CPNE4: variants seen among roughly 807,000 people sequenced by gnomAD.
The protein encoded by CPNE4 is copine 4, also known as copine-4.
In CPNE4, 25 loss-of-function variants were observed where a neutral mutation model predicts 67.9. The ratio of observed to expected loss-of-function variants is 0.37; its 90% CI spans 0.27 to 0.51. CPNE4 has a LOEUF of 0.51. Among genes scored for constraint, CPNE4 ranks in the 20% least tolerant of loss-of-function variants. The pLI is 0.93. For synonymous variants in CPNE4, 242 were observed against 244.9 expected (o/e 0.99, Z 0.11); for missense variants, 464 against 690.8 (o/e 0.67, Z 3.68).
intron 1 of CPNE4, among the ~76,000 whole-genome samples, chr3:132,026,402 T>C (rs894496705): frequency 3.3e-5 from 5 of 152,138 alleles, no homozygotes; most frequent in Admixed American, 3.3e-4. Flanking sequence ...GGAGAGGGTA[T>C]GGTAAAGAGA....
At chr3:131,799,364 G>C (rs1359738999) in intron 2 of CPNE4, among the ~76,000 whole-genome samples, 1 of 152,036 alleles carries the variant, frequency 6.6e-6, no homozygotes, top group Non-Finnish European at 1.5e-5. Flanking sequence ...ATTGGGTTAG[G>C]CTCAGAATCC....
intron 7 of CPNE4, among the ~76,000 whole-genome samples, chr3:131,615,951 A>AC: frequency 6.9e-6 from 1 of 144,530 alleles, no homozygotes; most frequent in Non-Finnish European, 1.5e-5. Flanking sequence ...ACACACACAC[A>AC]AAAGAACATT....
At chr3:132,009,869 G>A (rs182736823) in intron 1 of CPNE4, among the ~76,000 whole-genome samples, 1 of 152,304 alleles carries the variant, frequency 6.6e-6, no homozygotes, top group African/African-American at 2.4e-5. Flanking sequence ...GACCAAGTAA[G>A]TAAAGGTCAG....
chr3:131,920,721 T>C (rs1298563253), intron 1 of CPNE4, among the ~76,000 whole-genome samples: 1 of 151,954 alleles, frequency 6.6e-6, no homozygotes, highest in African/African-American at 2.4e-5. Flanking sequence ...GACCTAGAAA[T>C]ATAACAAATA....
chr3:132,029,662 G>A (rs1391848903), intron 1 of CPNE4, among the ~76,000 whole-genome samples: 2 of 152,160 alleles, frequency 1.3e-5, no homozygotes, highest in African/African-American at 4.8e-5. Context: ...TTAAACCTGA[G>A]CTTTCTAAAG....
chr3:131,742,453 T>C (rs1344771278), intron 2 of CPNE4, among the ~76,000 whole-genome samples: 1 of 152,186 alleles, frequency 6.6e-6, no homozygotes, highest in Non-Finnish European at 1.5e-5. Context: ...GCTTCCATAG[T>C]TGCACGGGCC....
chr3:131,577,588 T>C (rs1459814062), intron 9 of CPNE4, among the ~76,000 whole-genome samples: 1 of 152,004 alleles, frequency 6.6e-6, no homozygotes. Flanking sequence ...AGTAAAAATA[T>C]GGTATAAAAT....
intron 2 of CPNE4, among the ~76,000 whole-genome samples, chr3:131,770,778 A>T (rs2083146748): frequency 6.6e-6 from 1 of 152,202 alleles, no homozygotes; most frequent in African/African-American, 2.4e-5. Context: ...AAAAATTCTC[A>T]TCTTTGGAAA....
At chr3:131,933,571 A>G (rs1486302736) in intron 1 of CPNE4, among the ~76,000 whole-genome samples, 1 of 152,176 alleles carries the variant, frequency 6.6e-6, no homozygotes, top group Admixed American at 6.5e-5. Flanking sequence ...AGAGATGTCT[A>G]CATTCTTATA....
chr3:131,804,636 T>C (rs2084246837), intron 2 of CPNE4, among the ~76,000 whole-genome samples: 1 of 152,220 alleles, frequency 6.6e-6, no homozygotes, highest in South Asian at 2.1e-4. Context: ...TCCCCATCCC[T>C]TGTATTGGGC....
intron 2 of CPNE4, among the ~76,000 whole-genome samples, chr3:131,802,632 C>T (rs2084173310): frequency 6.6e-6 from 1 of 152,152 alleles, no homozygotes; most frequent in Admixed American, 6.5e-5. Context: ...CTGAATTTCT[C>T]ACAGCAAGGC....
At chr3:131,721,426 T>A (rs2081883871) in intron 3 of CPNE4, among the ~76,000 whole-genome samples, 3 of 145,946 alleles carry the variant, frequency 2.1e-5, no homozygotes, top group Non-Finnish European at 4.5e-5. Context: ...GACGGAGTCT[T>A]GCTCTGTCAC....
intron 1 of CPNE4, among the ~76,000 whole-genome samples, chr3:131,995,627 G>C (rs1583573730): frequency 6.6e-6 from 1 of 152,286 alleles, no homozygotes; most frequent in South Asian, 2.1e-4. Context: ...GTAAAATGAA[G>C]AAAGCCAGAG....
chr3:131,670,594 G>A (rs565239102), intron 6 of CPNE4, among the ~76,000 whole-genome samples: 3 of 152,150 alleles, frequency 2.0e-5, no homozygotes, highest in African/African-American at 7.2e-5. Context: ...TCCTGGACCA[G>A]CAGGAGCTGC....
At chr3:131,835,652 C>G (rs1377012735) in intron 2 of CPNE4, among the ~76,000 whole-genome samples, 1 of 152,120 alleles carries the variant, frequency 6.6e-6, no homozygotes, top group Non-Finnish European at 1.5e-5. Context: ...ACGCAGTTCC[C>G]TTCTCACTCC....
rs139017319 is a variant in CPNE4, at chr3:131,888,349, C to G, written c.180+16915G>C. 2.6e-5 allele frequency among the ~76,000 whole-genome samples: 4 copies of G among 151,780 alleles called. No homozygotes were observed. In the East Asian group the frequency reaches 7.8e-4, roughly 29 times the overall value. ...GGGAAAAGGTAACAAAATTTTGTTC[C>G]TTTGATACACAGTTTCAAGACCATA... On this transcript the variant is annotated intron_variant, in intron 2 of 15. Coordinates refer to ENST00000429747, the MANE Select transcript of CPNE4 (RefSeq NM_130808.3).
At chr3:131,587,691 A>G (rs187272556) in intron 7 of CPNE4, 109 bp from the exon 8 acceptor site, 2 of 767,994 alleles carry the variant, frequency 2.6e-6, no homozygotes, top group Non-Finnish European at 4.3e-6. Flanking sequence ...TTTGGTCTGG[A>G]ACCAAAGCCT....
chr3:132,001,402 A>G (rs2073427706), intron 1 of CPNE4, among the ~76,000 whole-genome samples: 1 of 151,930 alleles, frequency 6.6e-6, no homozygotes, highest in Non-Finnish European at 1.5e-5. Flanking sequence ...TATATGACAA[A>G]TGAAATGATA....
chr3:131,731,686 A>G (rs2082131477), intron 2 of CPNE4, among the ~76,000 whole-genome samples: 2 of 152,162 alleles, frequency 1.3e-5, no homozygotes, highest in Non-Finnish European at 2.9e-5. Flanking sequence ...GATGTTCTTC[A>G]TGGTCCAAAC....
Sources: allele counts gnomAD v4.1 joint callset (sites outside exome capture counted in the v4.1 genomes callset), GRCh38; gene constraint gnomAD v4.1.1; transcripts MANE v1.5; gene names NCBI Gene and HGNC (gene_info 2026-07-23, HGNC 2026-07-21).